NAV3: variants seen among roughly 807,000 people sequenced by gnomAD.
NAV3 encodes neuron navigator 3.
NAV3 carries 87 observed loss-of-function variants against 244.7 expected under a neutral mutation model. The ratio of observed to expected loss-of-function variants is 0.36; its 90% CI spans 0.30 to 0.42. The LOEUF is 0.42. Ranked by LOEUF, NAV3 falls within the 20% of genes least tolerant of loss-of-function variation. The pLI is 1.00. For synonymous variants in NAV3, 1,126 were observed against 1,042.2 expected, an observed-to-expected ratio of 1.08 and a Z score of -1.55; for missense variants, 2,663 against 2,893.3, an observed-to-expected ratio of 0.92 and a Z score of 1.83.
chr12:77,832,718 T>C (rs952072177), intron 1 of NAV3, among the ~76,000 whole-genome samples: 1 of 152,148 alleles, frequency 6.6e-6, no homozygotes, highest in Non-Finnish European at 1.5e-5. Flanking sequence ...AAATACTAGA[T>C]CTTATTCATT....
chr12:77,870,096 G>A (rs1880710443), intron 1 of NAV3, among the ~76,000 whole-genome samples: 4 of 152,116 alleles, frequency 2.6e-5, no homozygotes, highest in Admixed American at 2.6e-4. Flanking sequence ...GCCGGGCGCG[G>A]TGGCTCACTC....
intron 23 of NAV3, among the ~76,000 whole-genome samples, chr12:78,161,436 A>C (rs1476857441): frequency 6.6e-6 from 1 of 152,076 alleles, no homozygotes; most frequent in Non-Finnish European, 1.5e-5. Context: ...TTTGTCCTCC[A>C]CCCAATATTT....
At chr12:77,609,932 A>G (rs945684218) in intron 2 of NAV3, among the ~76,000 whole-genome samples, 1 of 151,984 alleles carries the variant, frequency 6.6e-6, no homozygotes. Flanking sequence ...ATACAATATC[A>G]TATCCCCACT....
At chr12:78,090,511 T>C (rs1406078188) in intron 12 of NAV3, among the ~76,000 whole-genome samples, 8 of 152,078 alleles carry the variant, frequency 5.3e-5, no homozygotes, top group Non-Finnish European at 7.4e-5. Context: ...CTTAGATTAA[T>C]GTAAAGTATA....
chr12:77,683,099 A>G (rs1213672250), intron 2 of NAV3, among the ~76,000 whole-genome samples: 1 of 152,114 alleles, frequency 6.6e-6, no homozygotes, highest in Non-Finnish European at 1.5e-5. Flanking sequence ...GACCAATGTC[A>G]TAGAGCTTTT....
chr12:78,152,906 A>T (rs897224744), intron 22 of NAV3, among the ~76,000 whole-genome samples: 1 of 152,000 alleles, frequency 6.6e-6, no homozygotes, highest in African/African-American at 2.4e-5. Flanking sequence ...AGAAATTGTT[A>T]TATTAGAACT....
At chr12:77,735,979 T>A (rs1396042151) in intron 2 of NAV3, among the ~76,000 whole-genome samples, 1 of 152,232 alleles carries the variant, frequency 6.6e-6, no homozygotes, top group African/African-American at 2.4e-5. Context: ...GAAAACAGGT[T>A]CTAAACTGCA....
At position 78,122,155 on chromosome 12, in the gene NAV3, T is replaced by C. The variant is rs921065824; in HGVS notation, c.3965T>C (p.Val1322Ala). The C allele has an allele frequency of 9.3e-6, 15 of 1,614,130 alleles. No homozygotes were observed. The highest frequency in any genetic ancestry group is 1.2e-5 in the Non-Finnish European group (14 of 1,180,012). ...AAACCCTCAGACTTAACTACAGATGTTATAAGCTTAAGTCACTCGTTGGCC... is the reference window on the plus strand; with the variant it reads ...AAACCCTCAGACTTAACTACAGATGCTATAAGCTTAAGTCACTCGTTGGCC... ...FNKPSDLTTD[V>A]ISLSHSLASS... is the part of the protein sequence containing the mutation. Residue 1322 changes from valine to alanine, a missense_variant, in exon 16 of 40, where the codon GTT becomes GCT. By Grantham distance (64) the Val-to-Ala change is moderately conservative. Around this residue, in one of 6 missense-constraint regions of NAV3, gnomAD observed 354 missense variants for 413.0 expected, o/e 0.86. Transcript: ENST00000397909.
intron 9 of NAV3, among the ~76,000 whole-genome samples, chr12:78,040,987 A>T (rs146815667): frequency 2.3e-3 from 355 of 152,216 alleles, no homozygotes; most frequent in Admixed American, 5.5e-3. Context: ...GTTCTCTCAG[A>T]TTATTTGGAA....
At chr12:77,845,734 A>C (rs1458102300) in intron 1 of NAV3, among the ~76,000 whole-genome samples, 1 of 151,016 alleles carries the variant, frequency 6.6e-6, no homozygotes, top group African/African-American at 2.4e-5. Context: ...GCTCCCTGCA[A>C]CATCCGCCTC....
chr12:77,860,407 C>G (rs899690042), intron 1 of NAV3, among the ~76,000 whole-genome samples: 13 of 150,654 alleles, frequency 8.6e-5, no homozygotes, highest in Non-Finnish European at 1.8e-4. Context: ...TATAAATATA[C>G]AACACATATA....
intron 15 of NAV3, among the ~76,000 whole-genome samples, chr12:78,121,031 T>C (rs1032935198): frequency 6.6e-6 from 1 of 152,182 alleles, no homozygotes; most frequent in African/African-American, 2.4e-5. Context: ...AGAGTAAATA[T>C]TTCTGTTTCT....
At chr12:78,152,875 G>A (rs1173333260) in intron 22 of NAV3, among the ~76,000 whole-genome samples, 1 of 151,940 alleles carries the variant, frequency 6.6e-6, no homozygotes, top group East Asian at 1.9e-4. Context: ...TTGGTTAAAT[G>A]TGAGTGCAGC....
chr12:78,034,342 G>A (rs1879493040), intron 9 of NAV3, among the ~76,000 whole-genome samples: 1 of 152,190 alleles, frequency 6.6e-6, no homozygotes, highest in African/African-American at 2.4e-5. Flanking sequence ...AGTTCTCAAA[G>A]GGGGTTTTCA....
intron 2 of NAV3, among the ~76,000 whole-genome samples, chr12:77,573,264 A>G (rs1868916365): frequency 1.3e-5 from 2 of 152,114 alleles, no homozygotes; most frequent in Admixed American, 6.5e-5. Flanking sequence ...GGTGGAGGTA[A>G]GTTTAGAAGA....
At chr12:78,029,866 A>G (rs767184744) in intron 9 of NAV3, among the ~76,000 whole-genome samples, 20 of 152,200 alleles carry the variant, frequency 1.3e-4, no homozygotes, top group Non-Finnish European at 2.4e-4. Flanking sequence ...ATTGCCTATT[A>G]GTAGCATATA....
chr12:77,715,476 T>G (rs760493114), intron 2 of NAV3, among the ~76,000 whole-genome samples: 3 of 151,944 alleles, frequency 2.0e-5, no homozygotes, highest in Admixed American at 6.6e-5. Flanking sequence ...CACATTTACA[T>G]ACATTAATAA....
At chr12:78,129,154 AT>A (rs1238508514) in intron 18 of NAV3, among the ~76,000 whole-genome samples, 28 of 152,176 alleles carry the variant, frequency 1.8e-4, no homozygotes, top group African/African-American at 5.3e-4. Context: ...AAGTCTTACC[AT>A]TACTAAGGGT....
At chr12:77,697,777 C>A (rs1055615568) in intron 2 of NAV3, among the ~76,000 whole-genome samples, 1 of 151,912 alleles carries the variant, frequency 6.6e-6, no homozygotes, top group South Asian at 2.1e-4. Flanking sequence ...ATAAATAATG[C>A]CATTAGTTAA....
Sources: allele counts gnomAD v4.1 joint callset (sites outside exome capture counted in the v4.1 genomes callset), GRCh38; gene constraint gnomAD v4.1.1; regional missense constraint gnomAD v4.1.1; transcripts MANE v1.5; gene names NCBI Gene and HGNC (gene_info 2026-07-23, HGNC 2026-07-21).